TBKBP1: variants seen among roughly 807,000 people sequenced by gnomAD.
TBKBP1 encodes TBK1 binding protein 1.
TBKBP1 carries 47 observed loss-of-function variants against 69.9 expected under a neutral mutation model. The ratio of observed to expected loss-of-function variants is 0.67; its 90% CI spans 0.53 to 0.86. The LOEUF is 0.86. TBKBP1 is among the 40% of genes least tolerant of loss of function. The probability of loss-of-function intolerance (pLI) is 0.00; values close to 1 mark genes in which losing one functional copy is unlikely to be tolerated. For missense variants in TBKBP1, 831 were observed against 858.6 expected, an observed-to-expected ratio of 0.97 and a Z score of 0.40; for synonymous variants, 418 against 390.3, an observed-to-expected ratio of 1.07 and a Z score of -0.84.
intron 7 of TBKBP1, among the ~76,000 whole-genome samples, chr17:47,701,232 G>A (rs555757826): frequency 1.3e-5 from 2 of 152,300 alleles, no homozygotes; most frequent in South Asian, 4.1e-4. Flanking sequence ...CCCAGTTTGT[G>A]GGACTGGTGG....
At chr17:47,706,294 A>T (rs954599641) in intron 7 of TBKBP1, among the ~76,000 whole-genome samples, 54 of 152,060 alleles carry the variant, frequency 3.6e-4, no homozygotes, top group Admixed American at 1.2e-3. Context: ...CGCCAGTCTG[A>T]TGGGGGACAC....
intron 7 of TBKBP1, among the ~76,000 whole-genome samples, chr17:47,700,049 G>A (rs1176266849): frequency 1.3e-5 from 2 of 149,424 alleles, no homozygotes; most frequent in East Asian, 2.0e-4. Flanking sequence ...GTGCAGTGGC[G>A]CAATCTCGGC....
At chr17:47,699,594 A>T (rs1038043670) in intron 6 of TBKBP1, 42 bp from the exon 7 acceptor site, 1 of 1,613,980 alleles carries the variant, frequency 6.2e-7, no homozygotes, top group South Asian at 1.1e-5. Flanking sequence ...GGGCCCTGGC[A>T]GGGGTGAGCT....
Position 47,696,105 on chromosome 17 carries a change from C to T in TBKBP1, c.-8C>T. 3 of 1,604,132 alleles carry T rather than the reference C, an allele frequency of 1.9e-6. 1 individual carries two copies. The South Asian group carries it at 3.3e-5, about 18-fold the overall frequency. On this transcript the variant is annotated 5_prime_UTR_variant, in exon 2 of 10. Coordinates refer to ENST00000578982, the MANE Select transcript of TBKBP1 (RefSeq NM_001394755.1). Reference sequence around the variant, plus strand: ...AGGCCCCGTGTGGGCCGCGGCCCGGCCCTCACCATGGAGTCCATGTTCGAG... The same window carrying T: ...AGGCCCCGTGTGGGCCGCGGCCCGGTCCTCACCATGGAGTCCATGTTCGAG...
At chr17:47,707,708 G>C (rs894494333) in intron 7 of TBKBP1, among the ~76,000 whole-genome samples, 4 of 152,174 alleles carry the variant, frequency 2.6e-5, no homozygotes, top group South Asian at 2.1e-4. Context: ...CCTGGGAGGG[G>C]CAAAGCTGAA....
chr17:47,697,271 G>A, intron 4 of TBKBP1, 78 bp downstream of exon 4: 6 of 1,296,546 alleles, frequency 4.6e-6, no homozygotes, highest in Non-Finnish European at 5.5e-6. Context: ...AGTTCTGTGT[G>A]TGAGGATTCC....
chr17:47,703,670 G>T (rs750859817), intron 7 of TBKBP1, among the ~76,000 whole-genome samples: 86 of 151,494 alleles, frequency 5.7e-4, no homozygotes, highest in Non-Finnish European at 1.1e-3. Context: ...CCACTAGGCT[G>T]CTGTCTCCAA....
At chr17:47,701,317 C>T (rs2031492333) in intron 7 of TBKBP1, among the ~76,000 whole-genome samples, 1 of 151,788 alleles carries the variant, frequency 6.6e-6, no homozygotes, top group Admixed American at 6.6e-5. Context: ...CCCATCATAG[C>T]CCATGTGCCC....
At chr17:47,697,899 A>T (rs994301818) in intron 4 of TBKBP1, among the ~76,000 whole-genome samples, 1 of 149,880 alleles carries the variant, frequency 6.7e-6, no homozygotes. Context: ...TGGTGAGCCA[A>T]GATCAAGCCA....
chr17:47,710,641 C>G lies in TBKBP1; in HGVS notation c.*15C>G, dbSNP rs375446412. ...GCAAGATCTAGGGCACCAGCCCCACCCACTGGCTGTTTCTCCGTCCTCTCC... is the reference window on the plus strand; with the variant it reads ...GCAAGATCTAGGGCACCAGCCCCACGCACTGGCTGTTTCTCCGTCCTCTCC... On this transcript the variant is annotated 3_prime_UTR_variant, in exon 10 of 10. Coordinates refer to ENST00000578982, the MANE Select transcript of TBKBP1 (RefSeq NM_001394755.1). The G allele has an allele frequency of 6.3e-7, 1 of 1,589,764 alleles. No homozygotes were observed. Among genetic ancestry groups the G allele is most frequent in the African/African-American group, 1.3e-5 (1 of 74,502 alleles).
At position 47,699,770 on chromosome 17, in the gene TBKBP1, G is replaced by A. The variant is rs1355674708; in HGVS notation, c.872+73G>A. The A allele has an allele frequency of 8.9e-6, 14 of 1,566,372 alleles. No individual in the cohort carries two copies. In the African/African-American group the frequency reaches 1.1e-4, roughly 12 times the overall value. ...TCCCCTCCCAGCCCTCAGGGGTGTG[G>A]TGTCTGGGCTGCTGTTGCTCTGTGT... On this transcript the variant is annotated intron_variant, in intron 7 of 9. Coordinates refer to ENST00000578982, the MANE Select transcript of TBKBP1 (RefSeq NM_001394755.1).
At chr17:47,694,724 T>TGG (rs531909324) in intron 1 of TBKBP1, 2 of 133,932 alleles carry the variant, frequency 1.5e-5, no homozygotes, top group South Asian at 5.0e-4. Flanking sequence ...GGCGGGGGTC[T>TGG]GGGGGGGTGT....
chr17:47,704,309 T>C (rs1159983543), intron 7 of TBKBP1, among the ~76,000 whole-genome samples: 1 of 152,156 alleles, frequency 6.6e-6, no homozygotes, highest in Non-Finnish European at 1.5e-5. Flanking sequence ...GAGAAGGGGC[T>C]CAAGGCGCCC....
intron 7 of TBKBP1, among the ~76,000 whole-genome samples, chr17:47,702,194 C>T (rs1049593174): frequency 6.6e-6 from 1 of 152,224 alleles, no homozygotes; most frequent in Non-Finnish European, 1.5e-5. Flanking sequence ...TTCAGCTCCT[C>T]TTCCCCCACT....
At position 47,709,111 on chromosome 17, in the gene TBKBP1, C is replaced by T; in HGVS notation, c.1378C>T (p.Arg460Cys). The T allele has an allele frequency of 2.2e-6, 3 of 1,365,408 alleles. No homozygotes were observed. The highest frequency in any genetic ancestry group is 2.8e-6 in the Non-Finnish European group (3 of 1,065,230). The allele number at this position is 1,365,408 out of a possible 1,614,324, so 84.6% of individuals were successfully genotyped here. The change falls in exon 9 of 10, where the codon CGC becomes TGC. Residue 460 changes from arginine to cysteine, a missense_variant. Physicochemically the swap from Arg to Cys is radical, Grantham distance 180. Transcript: ENST00000578982. The stretch of plus-strand genomic sequence containing the variant: ...CGTGAAGGCCGGCTTCCAGGGCCGC[C>T]GCAGCTACTCTGAGCTGGCGGAGGG... ...HHVKAGFQGR[R>C]SYSELAEGAA...
Position 47,710,460 on chromosome 17 carries a change from G to A in TBKBP1, c.1720-38G>A, listed in dbSNP as rs777282564. The A allele has an allele frequency of 1.2e-5, 19 of 1,588,586 alleles. No individual in the cohort carries two copies. In the South Asian group the frequency reaches 1.9e-4, roughly 16 times the overall value. ...CTGGGATGTGGGGACCATGGGTGGG[G>A]GCTGGGGACCATAAGTGACTTCCTT... is the stretch of plus-strand genomic sequence containing the variant. On this transcript the variant is annotated intron_variant, in intron 9 of 9. Transcript: ENST00000578982.
intron 7 of TBKBP1, among the ~76,000 whole-genome samples, chr17:47,706,828 G>C (rs1053996427): frequency 1.0e-4 from 14 of 134,222 alleles, no homozygotes; most frequent in East Asian, 2.2e-4. Flanking sequence ...GTTAGACTTA[G>C]ACACACACAC....
In TBKBP1 at chr17:47,696,187, C is replaced by G; in HGVS notation, c.75C>G (p.Asp25Glu). ...EALGPSEVWL[D>E]SPGDPSLGGD... is the part of the protein sequence containing the mutation. ...TGGGGCCTAGTGAGGTGTGGCTGGA[C>G]AGTCCCGGAGACCCCTCGCTTGGGG... Residue 25 changes from aspartate to glutamate, a missense_variant, in exon 2 of 10, where the codon GAC (aspartate) becomes GAG (glutamate). By Grantham distance (45) the Asp-to-Glu change is conservative. Transcript: ENST00000578982. 6.2e-7 allele frequency: 1 copy of G among 1,613,698 alleles called. No homozygotes were observed. Among genetic ancestry groups the G allele is most frequent in the Non-Finnish European group, 8.5e-7 (1 of 1,179,858 alleles).
In TBKBP1 at chr17:47,696,093, G is replaced by A. The variant is rs1277212652; in HGVS notation, c.-20G>A. 1.3e-6 allele frequency: 2 copies of A among 1,590,806 alleles called. No individual in the cohort carries two copies. The highest frequency in any genetic ancestry group is 3.5e-5 in the Admixed American group (2 of 57,964). ...TGCTCTCCTAGGAGGCCCCGTGTGG[G>A]CCGCGGCCCGGCCCTCACCATGGAG... On this transcript the variant is annotated 5_prime_UTR_variant, in exon 2 of 10. Transcript: ENST00000578982.
Sources: gnomAD v4.1 joint callset for allele counts (sites outside exome capture counted in the v4.1 genomes callset) on GRCh38, gnomAD v4.1.1 for gene constraint, MANE v1.5 for transcripts, NCBI Gene and HGNC (gene_info 2026-07-23, HGNC 2026-07-21) for gene names.